Variants in STX8 observed in about 807,000 individuals in gnomAD.
STX8 encodes the protein syntaxin 8.
Under a neutral mutation model 37.5 loss-of-function variants are expected in STX8, and 23 were observed. The ratio of observed to expected loss-of-function variants is 0.61; its 90% CI spans 0.44 to 0.87. STX8 has a LOEUF of 0.87. Ranked by LOEUF, STX8 falls within the 40% of genes least tolerant of loss-of-function variation. The probability of loss-of-function intolerance (pLI) is 0.00; values close to 1 mark genes in which losing one functional copy is unlikely to be tolerated. For missense variants in STX8, 313 were observed against 284.7 expected, an observed-to-expected ratio of 1.10 and a Z score of -0.71; for synonymous variants, 115 against 99.1, an observed-to-expected ratio of 1.16 and a Z score of -0.95.
At chr17:9,574,494 A>C (rs1907814840) in intron 1 of STX8, among the ~76,000 whole-genome samples, 1 of 151,864 alleles carries the variant, frequency 6.6e-6, no homozygotes, top group East Asian at 1.9e-4. Context: ...AATATTCTCT[A>C]TCAAGGGGTG....
chr17:9,558,271 C>A lies in STX8; in HGVS notation c.118-743G>T, dbSNP rs116677458. Among the ~76,000 whole-genome samples, 584 of 152,308 alleles carry A rather than the reference C, an allele frequency of 3.8e-3. 4 individuals carry two copies. Among genetic ancestry groups the A allele is most frequent in the African/African-American group, 0.013 (554 of 41,556 alleles). On this transcript the variant is annotated intron_variant, in intron 2 of 7. Transcript: ENST00000306357. ...TGAAATCAGACATATGTTAAAAACA[C>A]AGAATACCACAGGTTTCCTTTGCTA...
intron 7 of STX8, among the ~76,000 whole-genome samples, chr17:9,278,192 A>G (rs1445424954): frequency 2.6e-5 from 4 of 151,418 alleles, no homozygotes; most frequent in African/African-American, 2.5e-5. Flanking sequence ...TTACGCCTGT[A>G]ATCCCAGCAC....
intron 6 of STX8, among the ~76,000 whole-genome samples, chr17:9,419,438 C>A (rs1913343779): frequency 6.6e-6 from 1 of 152,120 alleles, no homozygotes; most frequent in African/African-American, 2.4e-5. Flanking sequence ...AAATCAATCA[C>A]CTTTTTAACA....
intron 4 of STX8, among the ~76,000 whole-genome samples, chr17:9,536,512 C>T (rs1023742414): frequency 6.6e-6 from 1 of 152,124 alleles, no homozygotes; most frequent in African/African-American, 2.4e-5. Context: ...GAGAGCTAAA[C>T]CCAGGCACCC....
At chr17:9,470,278 T>C (rs948864132) in intron 6 of STX8, among the ~76,000 whole-genome samples, 6 of 152,184 alleles carry the variant, frequency 3.9e-5, no homozygotes, top group Non-Finnish European at 7.3e-5. Flanking sequence ...CTTTAAGGAT[T>C]TGAAATTACT....
chr17:9,502,051 A>T lies in STX8; in HGVS notation c.448+2987T>A, dbSNP rs550965127. Among the ~76,000 whole-genome samples, 4 of 152,340 alleles carry T rather than the reference A, an allele frequency of 2.6e-5. No homozygotes were observed. The South Asian group carries it at 8.3e-4, about 32-fold the overall frequency. On this transcript the variant is annotated intron_variant, in intron 5 of 7. Transcript: ENST00000306357. The stretch of plus-strand genomic sequence containing the variant: ...GCTATGATCAAAAAGAAAAAAGATA[A>T]CAAGTGTTGGCAAGAATGTGGAGAA...
chr17:9,563,548 C>G (rs1907338950), intron 2 of STX8, among the ~76,000 whole-genome samples: 1 of 151,846 alleles, frequency 6.6e-6, no homozygotes, highest in African/African-American at 2.4e-5. Context: ...CACACACATA[C>G]ACACGCATAG....
At chr17:9,425,001 G>A (rs2142357348) in intron 6 of STX8, among the ~76,000 whole-genome samples, 1 of 152,288 alleles carries the variant, frequency 6.6e-6, no homozygotes, top group East Asian at 1.9e-4. Context: ...TCCAATTGGG[G>A]AAACTCAGGA....
At chr17:9,320,482 C>T (rs1214231443) in intron 7 of STX8, among the ~76,000 whole-genome samples, 1 of 152,138 alleles carries the variant, frequency 6.6e-6, no homozygotes, top group Non-Finnish European at 1.5e-5. Flanking sequence ...AGGGAAATAT[C>T]ATTAACCATA....
Position 9,505,114 on chromosome 17 carries a change from C to G in STX8, c.372G>C (p.Trp124Cys). The G allele has an allele frequency of 1.2e-6, 2 of 1,614,036 alleles. No homozygotes were observed. The highest frequency in any genetic ancestry group is 1.7e-6 in the Non-Finnish European group (2 of 1,180,014). The change falls in exon 5 of 8, where the codon TGG becomes TGC. Residue 124 changes from tryptophan to cysteine, a missense_variant. Trp to Cys is a radical substitution (Grantham distance 215). Transcript: ENST00000306357. Reference protein sequence around the residue: ...EEAKRGAPNPWLFEEPEETRG... With the variant: ...EEAKRGAPNPCLFEEPEETRG... ...TGGTCTCCTCTGGCTCCTCAAAGAG[C>G]CAAGGGTTGGGTGCTCCTCGCTTAG...
chr17:9,451,125 C>T (rs537767487), intron 6 of STX8, among the ~76,000 whole-genome samples: 3 of 151,962 alleles, frequency 2.0e-5, no homozygotes, highest in Admixed American at 6.6e-5. Flanking sequence ...TTGTTTATAC[C>T]GTCCCTCCCT....
rs377587645 is a variant in STX8 at position 9,452,536 on chromosome 17, T to A, written c.541+39293A>T. The A allele has an allele frequency of 4.4e-4, 67 of 152,180 alleles. 1 individual carries two copies. Among genetic ancestry groups the A allele is most frequent in the African/African-American group, 1.6e-3 (67 of 41,512 alleles). 9.4% of individuals were successfully genotyped at this position (152,180 alleles called of 1,614,324 possible). A position where few individuals can be genotyped will look rare whatever the true frequency, so the allele number is the denominator to read the frequency against. ...TGGTAGGAAGTGCCCAGCTTTGGGATGGTGCTGAACCCGATGCCGCAGAAG... is the reference window on the plus strand; with the variant it reads ...TGGTAGGAAGTGCCCAGCTTTGGGAAGGTGCTGAACCCGATGCCGCAGAAG... On this transcript the variant is annotated intron_variant, in intron 6 of 7. Transcript: ENST00000306357.
chr17:9,438,287 C>T (rs1904512056), intron 6 of STX8, among the ~76,000 whole-genome samples: 1 of 148,670 alleles, frequency 6.7e-6, no homozygotes, highest in Non-Finnish European at 1.5e-5. Flanking sequence ...AACATTTGAT[C>T]ATCTCTCCTC....
At chr17:9,345,846 T>C in intron 7 of STX8, among the ~76,000 whole-genome samples, 1 of 116,502 alleles carries the variant, frequency 8.6e-6, no homozygotes, top group African/African-American at 3.3e-5. Context: ...GGTTATGCAT[T>C]CCTTTTTTTT....
intron 7 of STX8, among the ~76,000 whole-genome samples, chr17:9,279,292 G>A (rs1907796161): frequency 6.6e-6 from 1 of 151,956 alleles, no homozygotes; most frequent in South Asian, 2.1e-4. Context: ...CCTGACCTCA[G>A]GTGATCCACC....
chr17:9,488,911 C>T (rs1489673165), intron 6 of STX8, among the ~76,000 whole-genome samples: 1 of 152,064 alleles, frequency 6.6e-6, no homozygotes, highest in East Asian at 1.9e-4. Context: ...GAGTCTCGCT[C>T]AGTCACCCAA....
intron 7 of STX8, among the ~76,000 whole-genome samples, chr17:9,333,744 AAC>A (rs929393519): frequency 6.6e-6 from 1 of 151,486 alleles, no homozygotes; most frequent in Non-Finnish European, 1.5e-5. Flanking sequence ...AAATAGATAT[AAC>A]ACACACATGT....
intron 6 of STX8, among the ~76,000 whole-genome samples, chr17:9,474,545 A>G (rs1020038162): frequency 2.0e-5 from 3 of 152,096 alleles, no homozygotes; most frequent in Non-Finnish European, 4.4e-5. Flanking sequence ...CAACAATTCA[A>G]TTCTGACATT....
intron 6 of STX8, among the ~76,000 whole-genome samples, chr17:9,485,140 A>ATGTAG (rs1457150894): frequency 6.6e-6 from 1 of 151,542 alleles, no homozygotes; most frequent in Non-Finnish European, 1.5e-5. Context: ...AAAAATTATA[A>ATGTAG]TAAGATCTGT....
Sources: gnomAD v4.1 joint callset for allele counts (sites outside exome capture counted in the v4.1 genomes callset) on GRCh38, gnomAD v4.1.1 for gene constraint, MANE v1.5 for transcripts, NCBI Gene and HGNC (gene_info 2026-07-23, HGNC 2026-07-21) for gene names.